The following GJD2 variants were observed in gnomAD, a reference collection of about 807,000 sequenced individuals.
The protein encoded by GJD2 is gap junction protein delta 2, also known as gap junction delta-2 protein.
In GJD2, 12 loss-of-function variants were observed where a neutral mutation model predicts 24.3. The ratio of observed to expected loss-of-function variants is 0.49; its 90% CI spans 0.32 to 0.80. The LOEUF (loss-of-function observed/expected upper bound fraction) is 0.80. Ranked by LOEUF, GJD2 falls within the 30% of genes least tolerant of loss-of-function variation. The pLI is 0.04. For synonymous variants in GJD2, 171 were observed against 155.2 expected (o/e 1.10, Z -0.76); for missense variants, 268 against 402.4 (o/e 0.67, Z 2.86).
In GJD2 at chr15:34,753,113, T is replaced by C. The variant is rs779090686; in HGVS notation, c.331A>G (p.Thr111Ala). The change falls in exon 2 of 2, where the codon ACA becomes GCA. Residue 111 changes from threonine (T) to alanine (A), a missense_variant. By Grantham distance (58) the Thr-to-Ala change is moderately conservative. Transcript: ENST00000290374. ...SAKQRERRYS[T>A]VFLALDRDPP... ...TCTCTGTCCAGGGCTAGGAAGACTG[T>C]AGAGTAGCGGCGTTCTCGCTGCTTG... is the stretch of plus-strand genomic sequence containing the variant. 5 of 1,614,092 alleles carry C rather than the reference T, an allele frequency of 3.1e-6. No individual in the cohort carries two copies. Among genetic ancestry groups the C allele is most frequent in the Non-Finnish European group, 4.2e-6 (5 of 1,180,014 alleles).
rs139160673 is a variant in GJD2 at position 34,754,917 on chromosome 15, G to C, written c.-429C>G. Reference sequence around the variant, plus strand: ...CACCGGCTCTGTTCCTGCTACTTCAGCGGGCACCTGGCGCTCCGGCGCGGC... The same window carrying C: ...CACCGGCTCTGTTCCTGCTACTTCACCGGGCACCTGGCGCTCCGGCGCGGC... On this transcript the variant is annotated 5_prime_UTR_variant, in exon 1 of 2. Transcript: ENST00000290374. This position sits in a 1 kb window ranked among gnomAD's most constrained non-coding sequence, Gnocchi z 5.9. The C allele has an allele frequency of 4.8e-4, 76 of 158,580 alleles. No individual in the cohort carries two copies. Among genetic ancestry groups the C allele is most frequent in the African/African-American group, 1.8e-3 (74 of 41,698 alleles). The allele number at this position is 158,580 out of a possible 1,614,324, so 9.8% of individuals were successfully genotyped here. A position where few individuals can be genotyped will look rare whatever the true frequency, so the allele number is the denominator to read the frequency against.
rs766013958 is a variant in GJD2, at chr15:34,752,448, A to G, written c.*30T>C. ...GTCATCTGCCTTGGGGCTCCTTGCC[A>G]TCCCCCAGACCTTCATGAAACCTGC... On this transcript the variant is annotated 3_prime_UTR_variant, in exon 2 of 2. Coordinates refer to ENST00000290374, the MANE Select transcript of GJD2 (RefSeq NM_020660.3). 2 of 1,595,470 alleles carry G rather than the reference A, an allele frequency of 1.3e-6. No homozygotes were observed. Among genetic ancestry groups the G allele is most frequent in the Non-Finnish European group, 1.7e-6 (2 of 1,168,210 alleles).
chr15:34,753,365 A>G lies in GJD2; in HGVS notation c.79T>C (p.Leu27=). The G allele has an allele frequency of 6.3e-7, 1 of 1,599,828 alleles. No homozygotes were observed. The highest frequency in any genetic ancestry group is 8.5e-7 in the Non-Finnish European group (1 of 1,174,760). Residue 27 remains leucine, a synonymous_variant, in exon 2 of 2, where the codon TTG becomes CTG. Transcript: ENST00000290374. ...ATCCGGAAGATCACCACCACAGTCA[A>G]CAGGATCCTGAACGGAGGAAGAGGG... The part of the protein sequence containing the change: ...QHSTMIGRIL[L]TVVVIFRILI...
Position 34,753,372 on chromosome 15 carries a change from C to A in GJD2, c.72G>T (p.Arg24Ser). Reference sequence around the variant, plus strand: ...AGATCACCACCACAGTCAACAGGATCCTGAACGGAGGAAGAGGGAGGGAGA... The same window carrying A: ...AGATCACCACCACAGTCAACAGGATACTGAACGGAGGAAGAGGGAGGGAGA... The part of the protein sequence containing the change: ...AVQQHSTMIG[R>S]ILLTVVVIFR... Residue 24 changes from arginine (R) to serine (S), a missense_variant and splice_region_variant, in exon 2 of 2, where the codon AGG becomes AGT. Physicochemically the swap from Arg to Ser is moderately radical, Grantham distance 110 (BLOSUM62 -1). Coordinates refer to ENST00000290374, the MANE Select transcript of GJD2 (RefSeq NM_020660.3). 6.3e-7 allele frequency: 1 copy of A among 1,592,404 alleles called. No individual in the cohort carries two copies. The highest frequency in any genetic ancestry group is 8.5e-7 in the Non-Finnish European group (1 of 1,170,532).
Position 34,753,357 on chromosome 15 carries a change from C to T in GJD2, c.87G>A (p.Val29=), listed in dbSNP as rs1216387197. The T allele has an allele frequency of 1.2e-6, 2 of 1,602,542 alleles. No homozygotes were observed. Among genetic ancestry groups the T allele is most frequent in the Non-Finnish European group, 1.7e-6 (2 of 1,176,078 alleles). The change falls in exon 2 of 2, where the codon GTG becomes GTA. Residue 29 remains valine, a synonymous_variant. Coordinates refer to ENST00000290374, the MANE Select transcript of GJD2 (RefSeq NM_020660.3). The part of the protein sequence containing the change: ...STMIGRILLT[V]VVIFRILIVA... Reference sequence around the variant, plus strand: ...CAATGAGGATCCGGAAGATCACCACCACAGTCAACAGGATCCTGAACGGAG... The same window carrying T: ...CAATGAGGATCCGGAAGATCACCACTACAGTCAACAGGATCCTGAACGGAG...
At chr15:34,753,978 T>C (rs545777169) in intron 1 of GJD2, among the ~76,000 whole-genome samples, 2 of 152,214 alleles carry the variant, frequency 1.3e-5, no homozygotes, top group Admixed American at 1.3e-4. Flanking sequence ...AAGTTTGGTT[T>C]AGTAATTATT....
In GJD2 at chr15:34,752,739, G is replaced by A; in HGVS notation, c.705C>T (p.Pro235=). ...VPGLYECNRY[P]CIKEVECYVS... is the part of the protein sequence containing the mutation. ...CATAACATTCCACCTCCTTGATGCA[G>A]GGGTAGCGGTTACACTCATACAACC... The change falls in exon 2 of 2, where the codon CCC becomes CCT. Residue 235 remains proline (P), a synonymous_variant. Coordinates refer to ENST00000290374, the MANE Select transcript of GJD2 (RefSeq NM_020660.3). 5 of 1,614,162 alleles carry A rather than the reference G, an allele frequency of 3.1e-6. No homozygotes were observed. Among genetic ancestry groups the A allele is most frequent in the Non-Finnish European group, 4.2e-6 (5 of 1,180,030 alleles).
At chr15:34,753,511 A>G (rs2140414488) in intron 1 of GJD2, 139 bp from the exon 2 acceptor site, 1 of 715,034 alleles carries the variant, frequency 1.4e-6, no homozygotes. Context: ...GTACTGAACT[A>G]GGAATCTGGG....
Position 34,751,962 on chromosome 15 carries a change from A to AAAAAAAAAAAAAAC in GJD2, c.*515_*516insGTTTTTTTTTTTTT, listed in dbSNP as rs1891110400. On this transcript the variant is annotated 3_prime_UTR_variant, in exon 2 of 2. Transcript: ENST00000290374. ...ATGTAAGGCCAGATTCTGGAAAAAA[A>AAAAAAAAAAAAAAC]AAAAAAAAAAAAAAAAAAGCTGGCA... 1 of 146,762 alleles carries AAAAAAAAAAAAAAC rather than the reference A, an allele frequency of 6.8e-6. No individual in the cohort carries two copies. Among genetic ancestry groups the AAAAAAAAAAAAAAC allele is most frequent in the Non-Finnish European group, 1.5e-5 (1 of 66,986 alleles). The allele number at this position is 146,762 out of a possible 1,614,324, so 9.1% of individuals were successfully genotyped here.
Position 34,752,898 on chromosome 15 carries a change from G to A in GJD2, c.546C>T (p.Arg182=), listed in dbSNP as rs200664200. The A allele has an allele frequency of 1.3e-5, 21 of 1,614,134 alleles. No individual in the cohort carries two copies. Among genetic ancestry groups the A allele is most frequent in the Non-Finnish European group, 1.7e-5 (20 of 1,180,008 alleles). The change falls in exon 2 of 2, where the codon CGC becomes CGT. Residue 182 remains arginine, a synonymous_variant. Coordinates refer to ENST00000290374, the MANE Select transcript of GJD2 (RefSeq NM_020660.3). ...TTCTGAGCTTGGATTTTGATGCAGTGCGTAGACCTGATGGGTGTGGAGTCA... is the reference window on the plus strand; with the variant it reads ...TTCTGAGCTTGGATTTTGATGCAGTACGTAGACCTGATGGGTGTGGAGTCA... ...KELTPHPSGL[R]TASKSKLRRQ...
rs1891103691 is a variant in GJD2, at chr15:34,751,642, AGGCAGAAATATC to A, written c.*824_*835del. ...TGTTAACCAAAGTCCACAAGCTGGAAGGCAGAAATATCCTGAAGCTCGTAACCGTGTGCCTAA... is the reference window on the plus strand; with the variant it reads ...TGTTAACCAAAGTCCACAAGCTGGAACTGAAGCTCGTAACCGTGTGCCTAA... On this transcript the variant is annotated 3_prime_UTR_variant, in exon 2 of 2. Transcript: ENST00000290374. 2.6e-5 allele frequency: 4 copies of A among 152,198 alleles called. No homozygotes were observed. The highest frequency in any genetic ancestry group is 4.8e-5 in the African/African-American group (2 of 41,432). The allele number at this position is 152,198 out of a possible 1,614,324, so 9.4% of individuals were successfully genotyped here.
At position 34,753,159 on chromosome 15, in the gene GJD2, G is replaced by A. The variant is rs1187528137; in HGVS notation, c.285C>T (p.Thr95=). 2 of 1,614,132 alleles carry A rather than the reference G, an allele frequency of 1.2e-6. No homozygotes were observed. Among genetic ancestry groups the A allele is most frequent in the Admixed American group, 1.7e-5 (1 of 60,018 alleles). ...GCTTGGCGGACTGGTGCACAGAGTA[G>A]GTGATGAAGCAAAGACTGGGGGTAC... ...MVCTPSLCFI[T]YSVHQSAKQR... is the part of the protein sequence containing the mutation. The change falls in exon 2 of 2, where the codon ACC becomes ACT. Residue 95 remains threonine, a synonymous_variant. Coordinates refer to ENST00000290374, the MANE Select transcript of GJD2 (RefSeq NM_020660.3).
rs1021630816 is a variant in GJD2 at position 34,751,202 on chromosome 15, T to C, written c.*1276A>G. ...GCCAATATTTTAACTAAATACACAG[T>C]GGATATGAAAGGTACAGTATGGCAC... is the stretch of plus-strand genomic sequence containing the variant. On this transcript the variant is annotated 3_prime_UTR_variant, in exon 2 of 2. Coordinates refer to ENST00000290374, the MANE Select transcript of GJD2 (RefSeq NM_020660.3). 6.6e-6 allele frequency: 1 copy of C among 152,098 alleles called. No individual in the cohort carries two copies. Among genetic ancestry groups the C allele is most frequent in the African/African-American group, 2.4e-5 (1 of 41,418 alleles). 9.4% of individuals were successfully genotyped at this position (152,098 alleles called of 1,614,324 possible).
chr15:34,752,659 C>T lies in GJD2; in HGVS notation c.785G>A (p.Gly262Asp). Reference sequence around the variant, plus strand: ...AGCCAGGTTGAGCACAACACAGATGCCACTTACAGCAAACATGAACACTAG... The same window carrying T: ...AGCCAGGTTGAGCACAACACAGATGTCACTTACAGCAAACATGAACACTAG... ...VFLVFMFAVS[G>D]ICVVLNLAEL... is the part of the protein sequence containing the mutation. The change falls in exon 2 of 2, where the codon GGC (glycine) becomes GAC (aspartate). Residue 262 changes from glycine (G) to aspartate (D), a missense_variant. Gly to Asp is a moderately conservative substitution (Grantham distance 94). Coordinates refer to ENST00000290374, the MANE Select transcript of GJD2 (RefSeq NM_020660.3). 1.2e-6 allele frequency: 2 copies of T among 1,614,204 alleles called. No individual in the cohort carries two copies. The highest frequency in any genetic ancestry group is 1.7e-6 in the Non-Finnish European group (2 of 1,180,030).
chr15:34,752,643 G>A lies in GJD2; in HGVS notation c.801C>T (p.Leu267=). Residue 267 remains leucine, a synonymous_variant, in exon 2 of 2, where the codon CTC becomes CTT. Coordinates refer to ENST00000290374, the MANE Select transcript of GJD2 (RefSeq NM_020660.3). ...CCAGGTGGTTGAGTTCAGCCAGGTT[G>A]AGCACAACACAGATGCCACTTACAG... ...MFAVSGICVV[L]NLAELNHLGW... 6.2e-7 allele frequency: 1 copy of A among 1,614,178 alleles called. No homozygotes were observed. Among genetic ancestry groups the A allele is most frequent in the Non-Finnish European group, 8.5e-7 (1 of 1,180,038 alleles).
In GJD2 at chr15:34,753,131, G is replaced by C; in HGVS notation, c.313C>G (p.Arg105Gly). 1 of 1,614,102 alleles carries C rather than the reference G, an allele frequency of 6.2e-7. No homozygotes were observed. The highest frequency in any genetic ancestry group is 8.5e-7 in the Non-Finnish European group (1 of 1,180,022). Residue 105 changes from arginine to glycine, a missense_variant, in exon 2 of 2, where the codon CGA (arginine) becomes GGA (glycine). Around this residue, in one of 3 missense-constraint regions of GJD2, gnomAD observed 87 missense variants for 77.8 expected, o/e 1.12. Transcript: ENST00000290374. ...TYSVHQSAKQ[R>G]ERRYSTVFLA... Reference sequence around the variant, plus strand: ...AAGACTGTAGAGTAGCGGCGTTCTCGCTGCTTGGCGGACTGGTGCACAGAG... The same window carrying C: ...AAGACTGTAGAGTAGCGGCGTTCTCCCTGCTTGGCGGACTGGTGCACAGAG...
Position 34,752,548 on chromosome 15 carries a change from T to C in GJD2, c.896A>G (p.Asn299Ser). ...AKRKSIYEIR[N>S]KDLPRVSVPN... The stretch of plus-strand genomic sequence containing the variant: ...AACACTGACCCTTGGCAGGTCCTTG[T>C]TACGAATCTCATAGATTGACTTTCT... Residue 299 changes from asparagine to serine, a missense_variant, in exon 2 of 2, where the codon AAC becomes AGC. By Grantham distance (46) the Asn-to-Ser change is conservative. This residue lies in a region of GJD2 where 115 missense variants were observed against 195.2 expected (regional missense o/e 0.59). Coordinates refer to ENST00000290374, the MANE Select transcript of GJD2 (RefSeq NM_020660.3). 2 of 1,614,212 alleles carry C rather than the reference T, an allele frequency of 1.2e-6. No homozygotes were observed. The highest frequency in any genetic ancestry group is 8.5e-7 in the Non-Finnish European group (1 of 1,180,028).
chr15:34,751,578 C>T lies in GJD2; in HGVS notation c.*900G>A, dbSNP rs537897759. ...ACCAGTTACAAATGCTGTGGCTCAG[C>T]TAGACACTCTTGATATTAGCCAAAA... is the stretch of plus-strand genomic sequence containing the variant. On this transcript the variant is annotated 3_prime_UTR_variant, in exon 2 of 2. Transcript: ENST00000290374. 1.4e-4 allele frequency: 22 copies of T among 152,192 alleles called. No homozygotes were observed. The highest frequency in any genetic ancestry group is 4.8e-4 in the African/African-American group (20 of 41,492). The allele number at this position is 152,192 out of a possible 1,614,324, so 9.4% of individuals were successfully genotyped here. A position where few individuals can be genotyped will look rare whatever the true frequency, so the allele number is the denominator to read the frequency against.
rs201234969 is a variant in GJD2 at position 34,752,778 on chromosome 15, G to C, written c.666C>G (p.Gly222=). 1.4e-5 allele frequency: 23 copies of C among 1,614,022 alleles called. No homozygotes were observed. Among genetic ancestry groups the C allele is most frequent in the Non-Finnish European group, 1.9e-5 (22 of 1,180,002 alleles). Residue 222 remains glycine (G), a synonymous_variant, in exon 2 of 2, where the codon GGC becomes GGG. Transcript: ENST00000290374. The part of the protein sequence containing the change: ...GFLVGQYFLY[G]FSVPGLYECN... ...ACTCATACAACCCTGGGACACTAAA[G>C]CCATAGAGAAAATATTGGCCAACCA...
Sources: allele counts gnomAD v4.1 joint callset (sites outside exome capture counted in the v4.1 genomes callset), GRCh38; gene constraint gnomAD v4.1.1; regional missense constraint gnomAD v4.1.1; non-coding constraint Gnocchi (gnomAD v3.1); transcripts MANE v1.5; gene names NCBI Gene and HGNC (gene_info 2026-07-23, HGNC 2026-07-21).